RPTOR: variants seen among roughly 807,000 people sequenced by gnomAD.
RPTOR encodes the protein regulatory-associated protein of mTOR.
A neutral mutation model predicts 169.9 loss-of-function variants in RPTOR; 21 were observed. The ratio of observed to expected loss-of-function variants is 0.12; its 90% CI spans 0.09 to 0.18. The LOEUF (loss-of-function observed/expected upper bound fraction) is 0.18. Ranked by LOEUF, RPTOR falls within the 10% of genes least tolerant of loss-of-function variation. The pLI is 1.00. For missense variants in RPTOR, 1,133 were observed against 1,855.9 expected, an observed-to-expected ratio of 0.61 and a Z score of 7.16; for synonymous variants, 732 against 753.2, an observed-to-expected ratio of 0.97 and a Z score of 0.46.
intron 4 of RPTOR, among the ~76,000 whole-genome samples, chr17:80,727,330 C>T (rs2066347072): frequency 6.6e-6 from 1 of 151,578 alleles, no homozygotes; most frequent in African/African-American, 2.4e-5. Flanking sequence ...GGACGCTGCA[C>T]CTCTGATCAT....
chr17:80,567,071 A>G (rs2064851445), intron 1 of RPTOR, among the ~76,000 whole-genome samples: 1 of 151,708 alleles, frequency 6.6e-6, no homozygotes, highest in African/African-American at 2.4e-5. Flanking sequence ...CCCAGGCTCA[A>G]GCGATTCTCA....
At chr17:80,742,930 A>G (rs572282505) in intron 5 of RPTOR, among the ~76,000 whole-genome samples, 1 of 148,502 alleles carries the variant, frequency 6.7e-6, no homozygotes, top group African/African-American at 2.4e-5. Flanking sequence ...ATGCACATCT[A>G]CACACTCACC....
In RPTOR at chr17:80,803,032, C is replaced by G. The variant is rs1039781529; in HGVS notation, c.890+11523C>G. ...GCCCGCACGGCCCTTCGGTTCCTCACAACCCCTGGTTCTGGTGGGGTGCCT... is the reference window on the plus strand; with the variant it reads ...GCCCGCACGGCCCTTCGGTTCCTCAGAACCCCTGGTTCTGGTGGGGTGCCT... On this transcript the variant is annotated intron_variant, in intron 7 of 33. Coordinates refer to ENST00000306801, the MANE Select transcript of RPTOR (RefSeq NM_020761.3). This position sits in a 1 kb window ranked among gnomAD's most constrained non-coding sequence, Gnocchi z 6.2. The G allele has an allele frequency of 6.6e-6, 1 of 152,568 alleles. No homozygotes were observed. Among genetic ancestry groups the G allele is most frequent in the East Asian group, 1.9e-4 (1 of 5,200 alleles). 9.5% of individuals were successfully genotyped at this position (152,568 alleles called of 1,614,324 possible).
Position 80,892,806 on chromosome 17 carries a change from C to T in RPTOR, c.2179C>T (p.Arg727Cys), listed in dbSNP as rs2143872034. The T allele has an allele frequency of 6.2e-7, 1 of 1,614,236 alleles. No individual in the cohort carries two copies. Among genetic ancestry groups the T allele is most frequent in the East Asian group, 2.2e-5 (1 of 44,890 alleles). ...TTCTGTGAGCTCCTATGGAAACATC[C>T]GTGCTGTCGCCACAGCCAGGAGCCT... ...LRSVSSYGNIRAVATARSLNK... is the reference protein window; with the variant it reads ...LRSVSSYGNICAVATARSLNK... The change falls in exon 19 of 34, where the codon CGT (arginine) becomes TGT (cysteine). Residue 727 changes from arginine to cysteine, a missense_variant. By Grantham distance (180) the Arg-to-Cys change is radical (BLOSUM62 -3). Around this residue, in one of 9 missense-constraint regions of RPTOR, gnomAD observed 150 missense variants for 206.4 expected, o/e 0.73. Transcript: ENST00000306801.
At chr17:80,876,746 G>A (rs1280972307) in intron 13 of RPTOR, among the ~76,000 whole-genome samples, 1 of 115,602 alleles carries the variant, frequency 8.7e-6, no homozygotes, top group Non-Finnish European at 1.7e-5. Context: ...CACCGAGCCC[G>A]TGCCACGCAG....
chr17:80,813,085 A>C (rs989873556), intron 7 of RPTOR, among the ~76,000 whole-genome samples: 5 of 152,236 alleles, frequency 3.3e-5, no homozygotes, highest in African/African-American at 1.2e-4. Flanking sequence ...CAAACTATTC[A>C]GACCAATATC....
intron 1 of RPTOR, among the ~76,000 whole-genome samples, chr17:80,613,535 A>G (rs1158475156): frequency 6.6e-6 from 1 of 152,240 alleles, no homozygotes; most frequent in Non-Finnish European, 1.5e-5. Flanking sequence ...GGACACTTTC[A>G]AGAACTAACA....
Position 80,780,518 on chromosome 17 carries a change from C to T in RPTOR, c.831-10932C>T, listed in dbSNP as rs542333879. ...GCTGACACCCTCTGACCCTCAGAGG[C>T]GGTCCGGGCTAGAAGGGGATTAGTG... On this transcript the variant is annotated intron_variant, in intron 6 of 33. Coordinates refer to ENST00000306801, the MANE Select transcript of RPTOR (RefSeq NM_020761.3). 2.6e-5 allele frequency among the ~76,000 whole-genome samples: 4 copies of T among 152,308 alleles called. No homozygotes were observed. In the South Asian group the frequency reaches 8.3e-4, roughly 32 times the overall value.
At chr17:80,924,687 C>G (rs1464539845) in intron 23 of RPTOR, among the ~76,000 whole-genome samples, 1 of 152,064 alleles carries the variant, frequency 6.6e-6, no homozygotes. Flanking sequence ...GGATGCACCT[C>G]TCACTGCACC....
chr17:80,769,971 T>C (rs1414138495), intron 6 of RPTOR, among the ~76,000 whole-genome samples: 1 of 152,188 alleles, frequency 6.6e-6, no homozygotes, highest in Non-Finnish European at 1.5e-5. Flanking sequence ...TCTCCACCCT[T>C]GTCTCAGCCC....
At chr17:80,873,823 G>A (rs1359120308) in intron 13 of RPTOR, among the ~76,000 whole-genome samples, 2 of 152,230 alleles carry the variant, frequency 1.3e-5, no homozygotes, top group East Asian at 1.9e-4. Flanking sequence ...CATGTGGGAG[G>A]GCATTGCTTA....
At chr17:80,906,166 G>T (rs1055731859) in intron 20 of RPTOR, among the ~76,000 whole-genome samples, 1 of 152,014 alleles carries the variant, frequency 6.6e-6, no homozygotes, top group East Asian at 1.9e-4. Context: ...AGGGCCTGTC[G>T]CGGGAGGGAA....
At chr17:80,664,386 A>G (rs911113283) in intron 3 of RPTOR, among the ~76,000 whole-genome samples, 1 of 152,194 alleles carries the variant, frequency 6.6e-6, no homozygotes, top group African/African-American at 2.4e-5. Context: ...TTCATGTGCT[A>G]GGGTGTTCCC....
intron 3 of RPTOR, among the ~76,000 whole-genome samples, chr17:80,689,458 A>G (rs1415006912): frequency 1.3e-5 from 2 of 152,226 alleles, no homozygotes; most frequent in African/African-American, 4.8e-5. Flanking sequence ...CGTCTTACGC[A>G]TGTGGTCAGA....
intron 1 of RPTOR, among the ~76,000 whole-genome samples, chr17:80,614,886 GGAC>G (rs1406191710): frequency 2.0e-5 from 3 of 152,174 alleles, no homozygotes; most frequent in African/African-American, 7.2e-5. Context: ...TTCGTCACCA[GGAC>G]TTGGAGGAAA....
intron 1 of RPTOR, among the ~76,000 whole-genome samples, chr17:80,616,068 T>C (rs1270083750): frequency 7.2e-5 from 11 of 152,164 alleles, no homozygotes; most frequent in Non-Finnish European, 2.9e-5. Context: ...CTGGGAGCCC[T>C]GCATATTTTT....
rs1223915968 is a variant in RPTOR, at chr17:80,601,568, T to TGGTGGGGGGGAG, written c.163-24123_163-24122insGGTGGGGGGGAG. On this transcript the variant is annotated intron_variant, in intron 1 of 33. Transcript: ENST00000306801. ...AGATGGTTCAGTCTTTTTTTTTTTTTTTTTAAATTTATTTTTTTATTGATA... is the reference window on the plus strand; with the variant it reads ...AGATGGTTCAGTCTTTTTTTTTTTTTGGTGGGGGGGAGTTTTAAATTTATTTTTTTATTGATA... Among the ~76,000 whole-genome samples, 137 of 56,552 alleles carry TGGTGGGGGGGAG rather than the reference T, an allele frequency of 2.4e-3. 1 individual carries two copies. Among genetic ancestry groups the TGGTGGGGGGGAG allele is most frequent in the African/African-American group, 3.7e-3 (38 of 10,406 alleles). The allele number at this position is 56,552 out of a possible 152,430, so 37.1% of individuals were successfully genotyped here.
rs545853099 is a variant in RPTOR, at chr17:80,844,199, C to T, written c.1213-2274C>T. On this transcript the variant is annotated intron_variant, in intron 10 of 33. Transcript: ENST00000306801. The surrounding 1 kb of genome is among the most constrained non-coding windows in gnomAD (Gnocchi z 4.7). ...AAAGTGTTGGCCACTCTTCCGCAGG[C>T]GCTTGCTCTAATTCGTCAGCCTCCC... Among the ~76,000 whole-genome samples the T allele has an allele frequency of 2.0e-5, 3 of 152,228 alleles. No individual in the cohort carries two copies. The highest frequency in any genetic ancestry group is 1.9e-4 in the East Asian group (1 of 5,194).
At chr17:80,584,742 C>T (rs11656563) in intron 1 of RPTOR, among the ~76,000 whole-genome samples, 44,628 of 152,082 alleles carry the variant, frequency 0.29, 6,652 homozygotes, top group Middle Eastern at 0.36. Context: ...CATGTGTTTA[C>T]TGCTTTTATC....
Sources: gnomAD v4.1 joint callset for allele counts (sites outside exome capture counted in the v4.1 genomes callset) on GRCh38, gnomAD v4.1.1 for gene constraint, gnomAD v4.1.1 regional missense constraint, Gnocchi (gnomAD v3.1) non-coding constraint, MANE v1.5 for transcripts, NCBI Gene and HGNC (gene_info 2026-07-23, HGNC 2026-07-21) for gene names.